The following SHOC1 variants were observed in gnomAD, a reference collection of about 807,000 sequenced individuals.
SHOC1 encodes protein shortage in chiasmata 1 ortholog.
Under a neutral mutation model 179.2 loss-of-function variants are expected in SHOC1, and 136 were observed. The ratio of observed to expected loss-of-function variants is 0.76; its 90% confidence interval spans 0.66 to 0.87. SHOC1 has a LOEUF of 0.87. Ranked by LOEUF, SHOC1 falls within the 40% of genes least tolerant of loss-of-function variation. SHOC1 has a pLI of 0.00. For synonymous variants in SHOC1, 489 were observed against 586.6 expected, an observed-to-expected ratio of 0.83 and a Z score of 2.41; for missense variants, 1,538 against 1,700.8, an observed-to-expected ratio of 0.90 and a Z score of 1.68.
chr9:111,696,820 C>T (rs1205746468), intron 24 of SHOC1, among the ~76,000 whole-genome samples: 1 of 152,210 alleles, frequency 6.6e-6, no homozygotes, highest in African/African-American at 2.4e-5. Context: ...TAAGACCTCA[C>T]TAGAGACAAA....
At chr9:111,745,005 A>G (rs141301742) in intron 10 of SHOC1, among the ~76,000 whole-genome samples, 1 of 152,322 alleles carries the variant, frequency 6.6e-6, no homozygotes, top group East Asian at 1.9e-4. Flanking sequence ...CTGTGCAATA[A>G]TGATGGGGTA....
At position 111,775,942 on chromosome 9, in the gene SHOC1, A is replaced by G. The variant is rs752401444; in HGVS notation, c.291T>C (p.Asn97=). 6 of 1,613,288 alleles carry G rather than the reference A, an allele frequency of 3.7e-6. No individual in the cohort carries two copies. The East Asian group carries it at 1.3e-4, about 36-fold the overall frequency. The change falls in exon 5 of 28, where the codon AAT becomes AAC. Residue 97 remains asparagine (N), a synonymous_variant. Coordinates refer to ENST00000682961, the MANE Select transcript of SHOC1 (RefSeq NM_001378211.1). ...TTGGAACAACTTCCTCAAATTCACA[A>G]TTAATCTGGGTCACCATTCTTGTAA... ...KTITRMVTQI[N]CEFEEVVPSS...
intron 15 of SHOC1, 113 bp from the exon 16 acceptor site, chr9:111,718,401 A>ATTATTGAG: frequency 1.8e-6 from 1 of 569,876 alleles, no homozygotes. Flanking sequence ...TGCTTACTAT[A>ATTATTGAG]TGCCAGGCTG....
At chr9:111,695,406 T>C (rs1203206318) in intron 24 of SHOC1, among the ~76,000 whole-genome samples, 1 of 152,164 alleles carries the variant, frequency 6.6e-6, no homozygotes, top group Non-Finnish European at 1.5e-5. Flanking sequence ...CACAGAAATA[T>C]ATTGTTCAAT....
At chr9:111,778,668 G>A (rs1835919870) in intron 4 of SHOC1, among the ~76,000 whole-genome samples, 1 of 150,668 alleles carries the variant, frequency 6.6e-6, no homozygotes, top group Non-Finnish European at 1.5e-5. Flanking sequence ...CTACTCGGGA[G>A]GCTGAGGCAG....
In SHOC1 at chr9:111,692,077, T is replaced by C. The variant is rs1831465098; in HGVS notation, c.3900A>G (p.Thr1300=). ...SESDVFSLGL[T]QMNCETIKSP... ...ATTTTATAGTTTCACAGTTCATTTG[T>C]GTTAGACCCAAAGAAAAGACATCTG... Residue 1300 remains threonine (T), a synonymous_variant, in exon 27 of 28, where the codon ACA becomes ACG. Coordinates refer to ENST00000682961, the MANE Select transcript of SHOC1 (RefSeq NM_001378211.1). 2 of 1,613,744 alleles carry C rather than the reference T, an allele frequency of 1.2e-6. No homozygotes were observed. The highest frequency in any genetic ancestry group is 2.2e-5 in the South Asian group (2 of 91,056).
chr9:111,763,639 A>T (rs920353557), intron 5 of SHOC1, among the ~76,000 whole-genome samples: 1 of 152,152 alleles, frequency 6.6e-6, no homozygotes, highest in African/African-American at 2.4e-5. Flanking sequence ...TACTACCTAC[A>T]TTCCTATTCT....
At position 111,702,162 on chromosome 9, in the gene SHOC1, G is replaced by A. The variant is rs769432551; in HGVS notation, c.3032C>T (p.Ser1011Leu). ...DNIIMRLMAL[S>L]LQYRYCWIIL... ...TATCCAACAATATCTGTACTGTAAT[G>A]ATAATGCCATCAGCCTCATAATGAT... Residue 1011 changes from serine (S) to leucine (L), a missense_variant, in exon 23 of 28, where the codon TCA (serine) becomes TTA (leucine). By Grantham distance (145) the Ser-to-Leu change is moderately radical. Coordinates refer to ENST00000682961, the MANE Select transcript of SHOC1 (RefSeq NM_001378211.1). 61 of 1,479,484 alleles carry A rather than the reference G, an allele frequency of 4.1e-5. No individual in the cohort carries two copies. Among genetic ancestry groups the A allele is most frequent in the Non-Finnish European group, 5.7e-5 (60 of 1,060,630 alleles). 91.6% of individuals were successfully genotyped at this position (1,479,484 alleles called of 1,614,324 possible).
chr9:111,730,054 A>G (rs1230853758), intron 12 of SHOC1, among the ~76,000 whole-genome samples: 1 of 152,224 alleles, frequency 6.6e-6, no homozygotes, highest in Non-Finnish European at 1.5e-5. Context: ...CCCATCCATA[A>G]GAAACAACTC....
intron 15 of SHOC1, among the ~76,000 whole-genome samples, chr9:111,718,986 T>G (rs528458617): frequency 6.6e-6 from 1 of 152,206 alleles, no homozygotes. Context: ...TGAAATTTAT[T>G]TGAACAAAGA....
chr9:111,759,737 C>T (rs765753015), intron 5 of SHOC1, among the ~76,000 whole-genome samples: 5 of 152,192 alleles, frequency 3.3e-5, no homozygotes, highest in Admixed American at 1.3e-4. Flanking sequence ...GGTTAAGTGA[C>T]GCTGAATGGC....
intron 18 of SHOC1, among the ~76,000 whole-genome samples, chr9:111,710,012 T>G (rs1564115943): frequency 6.6e-6 from 1 of 152,214 alleles, no homozygotes; most frequent in Non-Finnish European, 1.5e-5. Flanking sequence ...GCAGGCATAT[T>G]TCCTCAGGTT....
chr9:111,763,219 A>G (rs1364856044), intron 5 of SHOC1, among the ~76,000 whole-genome samples: 2 of 152,070 alleles, frequency 1.3e-5, no homozygotes, highest in East Asian at 3.8e-4. Context: ...CAATAAATGA[A>G]CAATAGGAGA....
intron 1 of SHOC1, among the ~76,000 whole-genome samples, chr9:111,793,859 A>C (rs1836531873): frequency 1.3e-5 from 2 of 151,926 alleles, no homozygotes; most frequent in South Asian, 4.2e-4. Context: ...TTAATTAATC[A>C]AATAATTTTT....
chr9:111,786,036 C>G lies in SHOC1; in HGVS notation c.46-1G>C. 1.4e-6 allele frequency: 2 copies of G among 1,479,350 alleles called. No homozygotes were observed. Among genetic ancestry groups the G allele is most frequent in the South Asian group, 2.8e-5 (2 of 71,348 alleles). The allele number at this position is 1,479,350 out of a possible 1,614,324, so 91.6% of individuals were successfully genotyped here. On this transcript the variant is annotated splice_acceptor_variant, in intron 2 of 27. Transcript: ENST00000682961. LOFTEE classifies it high-confidence loss of function. Reference sequence around the variant, plus strand: ...TGTAAAACTTCTTTCTAACCACATTCTGTGGAAGAAAGAAAGATTAGAAAA... The same window carrying G: ...TGTAAAACTTCTTTCTAACCACATTGTGTGGAAGAAAGAAAGATTAGAAAA...
Position 111,692,248 on chromosome 9 carries a change from TA to T in SHOC1, c.3728del (p.Leu1243TyrfsTer4), listed in dbSNP as rs776727452. 5.0e-6 allele frequency: 8 copies of T among 1,613,744 alleles called. No individual in the cohort carries two copies. The highest frequency in any genetic ancestry group is 6.8e-6 in the Non-Finnish European group (8 of 1,179,698). On this transcript the variant is annotated frameshift_variant, in exon 27 of 28. Coordinates refer to ENST00000682961, the MANE Select transcript of SHOC1 (RefSeq NM_001378211.1). LOFTEE classifies it high-confidence loss of function. ...TCTGATTGTATGAAGTCACAGGTGG[TA>T]AAAAACTTGAGATTTCTTTTAGTTC... ...IMELKEISSF[L>X]PPVTSYNQTS...
intron 21 of SHOC1, among the ~76,000 whole-genome samples, chr9:111,704,272 A>C (rs1832140531): frequency 6.6e-6 from 1 of 152,250 alleles, no homozygotes; most frequent in Non-Finnish European, 1.5e-5. Flanking sequence ...AGCTCTTTAA[A>C]TAATAATTCA....
chr9:111,707,264 C>T (rs1258516491), intron 19 of SHOC1, among the ~76,000 whole-genome samples: 1 of 151,870 alleles, frequency 6.6e-6, no homozygotes, highest in African/African-American at 2.4e-5. Flanking sequence ...ATAAAACATA[C>T]CACCTACTAT....
intron 5 of SHOC1, among the ~76,000 whole-genome samples, chr9:111,773,249 C>G (rs1268399259): frequency 6.6e-6 from 1 of 152,128 alleles, no homozygotes. Flanking sequence ...TTATTGTAAA[C>G]TTTAACAAAC....
Sources: gnomAD v4.1 joint callset for allele counts (sites outside exome capture counted in the v4.1 genomes callset) on GRCh38, gnomAD v4.1.1 for gene constraint, MANE v1.5 for transcripts, NCBI Gene and HGNC (gene_info 2026-07-23, HGNC 2026-07-21) for gene names.